Variants in RGSL1 observed in about 807,000 individuals in gnomAD.
The protein encoded by RGSL1 is regulator of G protein signaling protein-like.
A neutral mutation model predicts 124.7 loss-of-function variants in RGSL1; 97 were observed. The ratio of observed to expected loss-of-function variants is 0.78; its 90% CI spans 0.66 to 0.92. The LOEUF is 0.92. Ranked by LOEUF, RGSL1 falls within the 40% of genes least tolerant of loss-of-function variation. The pLI is 0.00. For synonymous variants in RGSL1, 424 were observed against 438.1 expected (o/e 0.97, Z 0.40); for missense variants, 1,233 against 1,288.4 (o/e 0.96, Z 0.66).
chr1:182,464,565 A>G (rs1006184210), intron 4 of RGSL1, among the ~76,000 whole-genome samples: 2 of 151,974 alleles, frequency 1.3e-5, no homozygotes, highest in Admixed American at 6.6e-5. Context: ...CTCTACTAAA[A>G]ATACAAAAAT....
At chr1:182,531,528 G>A (rs189769315) in intron 13 of RGSL1, among the ~76,000 whole-genome samples, 5 of 152,226 alleles carry the variant, frequency 3.3e-5, no homozygotes, top group Admixed American at 1.3e-4. Context: ...AAAAATTTTA[G>A]CCCAGCTTGA....
At chr1:182,515,589 T>A (rs1657819214) in intron 9 of RGSL1, among the ~76,000 whole-genome samples, 1 of 151,138 alleles carries the variant, frequency 6.6e-6, no homozygotes, top group Non-Finnish European at 1.5e-5. Context: ...GGGAAGAACT[T>A]CTTGCTTTGA....
chr1:182,459,014 G>A (rs1652583742), intron 3 of RGSL1, among the ~76,000 whole-genome samples: 1 of 152,140 alleles, frequency 6.6e-6, no homozygotes, highest in Admixed American at 6.5e-5. Context: ...TAGACACTTG[G>A]GAAACTGTCC....
chr1:182,554,702 G>A lies in RGSL1; in HGVS notation c.3197+9G>A, dbSNP rs758052766. 5.3e-5 allele frequency: 82 copies of A among 1,551,468 alleles called. 1 individual carries two copies. The South Asian group carries it at 9.6e-4, about 18-fold the overall frequency. On this transcript the variant is annotated intron_variant, in intron 20 of 21. Coordinates refer to ENST00000294854, the MANE Select transcript of RGSL1 (RefSeq NM_001137669.2). ...CTGCATCCCGTCCAGGGGTAGGCAT[G>A]AGCTGGAAATCCTCTTCTTCAGTCC...
At chr1:182,532,121 A>G (rs887230896) in intron 13 of RGSL1, among the ~76,000 whole-genome samples, 1 of 152,160 alleles carries the variant, frequency 6.6e-6, no homozygotes, top group African/African-American at 2.4e-5. Flanking sequence ...AAGGACAAAT[A>G]AAATGTACAG....
chr1:182,530,817 A>C lies in RGSL1; in HGVS notation c.2271A>C (p.Pro757=). 6 of 1,549,768 alleles carry C rather than the reference A, an allele frequency of 3.9e-6. No individual in the cohort carries two copies. Among genetic ancestry groups the C allele is most frequent in the Non-Finnish European group, 5.2e-6 (6 of 1,146,036 alleles). The stretch of plus-strand genomic sequence containing the variant: ...TTAAAGATTATCAAGACCTGTTCCC[A>C]CCTCACCATCAGGAGGTGGAAGTGC... ...KWFKDYQDLF[P]PHHQEVEVQS... Residue 757 remains proline, a synonymous_variant, in exon 13 of 22, where the codon CCA becomes CCC. Transcript: ENST00000294854.
intron 2 of RGSL1, among the ~76,000 whole-genome samples, chr1:182,455,950 G>A (rs1652283684): frequency 6.6e-6 from 1 of 152,242 alleles, no homozygotes; most frequent in African/African-American, 2.4e-5. Flanking sequence ...CAATGGGTGG[G>A]CAGGAGACCT....
intron 6 of RGSL1, 87 bp downstream of exon 6, chr1:182,474,629 A>T: frequency 1.4e-6 from 2 of 1,431,084 alleles, no homozygotes; most frequent in African/African-American, 1.4e-5. Flanking sequence ...TATACTGGCT[A>T]AGTGACTATA....
chr1:182,483,734 A>C (rs1654884058), intron 6 of RGSL1, among the ~76,000 whole-genome samples: 1 of 152,136 alleles, frequency 6.6e-6, no homozygotes, highest in Non-Finnish European at 1.5e-5. Context: ...ACAGATTAGT[A>C]GCACTTGGGT....
At chr1:182,529,717 T>C (rs1419181252) in intron 11 of RGSL1, among the ~76,000 whole-genome samples, 1 of 152,220 alleles carries the variant, frequency 6.6e-6, no homozygotes, top group Non-Finnish European at 1.5e-5. Flanking sequence ...TATTTATTTG[T>C]TGAATCTCAG....
intron 15 of RGSL1, among the ~76,000 whole-genome samples, chr1:182,547,819 C>T (rs1660311873): frequency 6.6e-6 from 1 of 152,122 alleles, no homozygotes; most frequent in Non-Finnish European, 1.5e-5. Flanking sequence ...CGAGATCACA[C>T]CACTGCACTC....
In RGSL1 at chr1:182,456,842, G is replaced by A. The variant is rs546329762; in HGVS notation, c.97-1477G>A. ...CCATAGTCACCGTGTGAAGTAGGAA[G>A]TATTTTCCCTTTTTACCAACGGATC... On this transcript the variant is annotated intron_variant, in intron 2 of 21. Transcript: ENST00000294854. Among the ~76,000 whole-genome samples the A allele has an allele frequency of 2.6e-5, 4 of 152,122 alleles. No homozygotes were observed. In the South Asian group the frequency reaches 8.3e-4, roughly 32 times the overall value.
In RGSL1 at chr1:182,551,081, G is replaced by A. The variant is rs1459414316; in HGVS notation, c.2934-19G>A. On this transcript the variant is annotated intron_variant, in intron 17 of 21. Transcript: ENST00000294854. ...CACTGGGGGTTCCCTCCTATGACCA[G>A]AAGCCATTCTTCCCACAGGTTTTGT... The A allele has an allele frequency of 1.5e-5, 23 of 1,532,522 alleles. No homozygotes were observed. The highest frequency in any genetic ancestry group is 1.9e-5 in the Non-Finnish European group (22 of 1,129,776). The allele number at this position is 1,532,522 out of a possible 1,614,324, so 94.9% of individuals were successfully genotyped here.
intron 9 of RGSL1, among the ~76,000 whole-genome samples, chr1:182,498,522 T>G (rs1656105090): frequency 6.6e-6 from 1 of 152,248 alleles, no homozygotes; most frequent in Admixed American, 6.5e-5. Context: ...TCTGATATGT[T>G]GTATCTTTGT....
chr1:182,547,168 TA>T (rs1007140626), intron 15 of RGSL1, among the ~76,000 whole-genome samples: 60 of 152,220 alleles, frequency 3.9e-4, no homozygotes, highest in African/African-American at 1.4e-3. Flanking sequence ...TCTCTATTTC[TA>T]AGATCCCACA....
chr1:182,509,402 C>T (rs1224684107), intron 9 of RGSL1, among the ~76,000 whole-genome samples: 2 of 26,804 alleles, frequency 7.5e-5, no homozygotes, highest in Admixed American at 2.7e-4. Flanking sequence ...GGCAGAGGCG[C>T]CCCTCACCTC....
intron 1 of RGSL1, among the ~76,000 whole-genome samples, chr1:182,453,219 T>A (rs1180117072): frequency 6.6e-6 from 1 of 152,244 alleles, no homozygotes; most frequent in Admixed American, 6.5e-5. Flanking sequence ...AAAGCTCTTG[T>A]CAGGCAGTAA....
At chr1:182,505,447 A>G (rs189757470) in intron 9 of RGSL1, among the ~76,000 whole-genome samples, 1 of 152,178 alleles carries the variant, frequency 6.6e-6, no homozygotes, top group Non-Finnish European at 1.5e-5. Flanking sequence ...ATCTTTCTTC[A>G]CCAAGACTTT....
rs1342068234 is a variant in RGSL1, at chr1:182,460,091, C to A, written c.259C>A (p.Leu87Ile). ...CKTNLCFHYI[L>I]CQEFISFIKS... ...AACAAACTTGTGTTTCCATTACATT[C>A]TCTGTCAGGAGTTCATCAGTTTCAT... The change falls in exon 4 of 22, where the codon CTC becomes ATC. Residue 87 changes from leucine to isoleucine, a missense_variant. Leu to Ile is a conservative substitution (Grantham distance 5). Transcript: ENST00000294854. The A allele has an allele frequency of 1.3e-6, 2 of 1,551,622 alleles. No homozygotes were observed. Among genetic ancestry groups the A allele is most frequent in the Non-Finnish European group, 1.7e-6 (2 of 1,146,974 alleles).
Sources: allele counts gnomAD v4.1 joint callset (sites outside exome capture counted in the v4.1 genomes callset), GRCh38; gene constraint gnomAD v4.1.1; transcripts MANE v1.5; gene names NCBI Gene and HGNC (gene_info 2026-07-23, HGNC 2026-07-21).